The following ANKRD34B variants were observed in gnomAD, a reference collection of about 807,000 sequenced individuals.
The protein encoded by ANKRD34B is ankyrin repeat domain-containing protein 34B.
ANKRD34B carries 2 observed loss-of-function variants against 4.4 expected under a neutral mutation model. The ratio of observed to expected loss-of-function variants is 0.46; its 90% CI spans 0.19 to 1.44. ANKRD34B has a LOEUF of 1.44. ANKRD34B is among the 40% of genes most tolerant of loss of function. ANKRD34B has a pLI of 0.26. For missense variants in ANKRD34B, 558 were observed against 604.7 expected (o/e 0.92, Z 0.81); for synonymous variants, 226 against 227.1 (o/e 0.99, Z 0.05).
Position 80,559,792 on chromosome 5 carries a change from A to T in ANKRD34B, c.228T>A (p.Asp76Glu). Residue 76 changes from aspartate (D) to glutamate (E), a missense_variant, in exon 5 of 5, where the codon GAT becomes GAA. Coordinates refer to ENST00000338682, the MANE Select transcript of ANKRD34B (RefSeq NM_001004441.3). ...TCCCAGATTTGTCCTGTATGTTGGG[A>T]TCGGCATTGTTCTCTAACAGGTATT... ...MVKYLLENNADPNIQDKSGKT... is the reference protein window; with the variant it reads ...MVKYLLENNAEPNIQDKSGKT... 6.2e-7 allele frequency: 1 copy of T among 1,614,192 alleles called. No individual in the cohort carries two copies. The highest frequency in any genetic ancestry group is 8.5e-7 in the Non-Finnish European group (1 of 1,180,024).
chr5:80,563,948 C>T (rs756787812), intron 3 of ANKRD34B, 133 bp from the exon 4 acceptor site: 42 of 152,118 alleles, frequency 2.8e-4, no homozygotes, highest in Non-Finnish European at 5.7e-4. Flanking sequence ...ATAGAAACTA[C>T]TTAGTAATTG....
At position 80,559,043 on chromosome 5, in the gene ANKRD34B, G is replaced by A; in HGVS notation, c.977C>T (p.Ser326Phe). The change falls in exon 5 of 5, where the codon TCT (serine) becomes TTT (phenylalanine). Residue 326 changes from serine (S) to phenylalanine (F), a missense_variant. By Grantham distance (155) the Ser-to-Phe change is radical. Coordinates refer to ENST00000338682, the MANE Select transcript of ANKRD34B (RefSeq NM_001004441.3). Reference sequence around the variant, plus strand: ...TTGCTGATTTCCTTCTGAAAGATAAGATTGACAATTTATTTCATCATATGA... The same window carrying A: ...TTGCTGATTTCCTTCTGAAAGATAAAATTGACAATTTATTTCATCATATGA... ...KMSYDEINCQ[S>F]YLSEGNQQCI... 5 of 1,614,198 alleles carry A rather than the reference G, an allele frequency of 3.1e-6. No individual in the cohort carries two copies. Among genetic ancestry groups the A allele is most frequent in the Non-Finnish European group, 4.2e-6 (5 of 1,180,040 alleles).
chr5:80,569,397 G>A (rs1366521095), intron 1 of ANKRD34B, among the ~76,000 whole-genome samples: 1 of 152,196 alleles, frequency 6.6e-6, no homozygotes, highest in Admixed American at 6.5e-5. Context: ...CTCTGCTAAG[G>A]GGGTCCGGTA....
In ANKRD34B at chr5:80,557,954, C is replaced by T. The variant is rs1300703552; in HGVS notation, c.*521G>A. The T allele has an allele frequency of 6.6e-6, 1 of 152,192 alleles. No individual in the cohort carries two copies. The highest frequency in any genetic ancestry group is 1.5e-5 in the Non-Finnish European group (1 of 68,096). 9.4% of individuals were successfully genotyped at this position (152,192 alleles called of 1,614,324 possible). ...AATTAGAGTTTTATCTATCTTCAGT[C>T]AACATTTGTAAAGAATTAGTTCATT... is the stretch of plus-strand genomic sequence containing the variant. On this transcript the variant is annotated 3_prime_UTR_variant, in exon 5 of 5. Transcript: ENST00000338682.
chr5:80,559,477 A>G lies in ANKRD34B; in HGVS notation c.543T>C (p.Ala181=), dbSNP rs1168798137. The G allele has an allele frequency of 8.7e-6, 14 of 1,614,212 alleles. No individual in the cohort carries two copies. Among genetic ancestry groups the G allele is most frequent in the Non-Finnish European group, 1.1e-5 (13 of 1,180,036 alleles). Reference sequence around the variant, plus strand: ...CTATTTCTGAAGGAGTGGTGCAGGTAGCTGGGGAATGACACCCATCTATAT... The same window carrying G: ...CTATTTCTGAAGGAGTGGTGCAGGTGGCTGGGGAATGACACCCATCTATAT... ...PVDIDGCHSP[A]TCTTPSEIDI... is the part of the protein sequence containing the mutation. Residue 181 remains alanine, a synonymous_variant, in exon 5 of 5, where the codon GCT becomes GCC. Transcript: ENST00000338682.
At chr5:80,568,925 C>CACACAGAGAGAGAGAGAGAG in intron 2 of ANKRD34B, 35 bp downstream of exon 2, 1 of 49,850 alleles carries the variant, frequency 2.0e-5, no homozygotes, top group African/African-American at 6.7e-5. Context: ...CACACACACA[C>CACACAGAGAGAGAGAGAGAG]AGAGAGAGAG....
rs1260571515 is a variant in ANKRD34B at position 80,556,831 on chromosome 5, A to G, written c.*1644T>C. 1 of 152,636 alleles carries G rather than the reference A, an allele frequency of 6.6e-6. No homozygotes were observed. Among genetic ancestry groups the G allele is most frequent in the African/African-American group, 2.4e-5 (1 of 41,462 alleles). The allele number at this position is 152,636 out of a possible 1,614,324, so 9.5% of individuals were successfully genotyped here. On this transcript the variant is annotated 3_prime_UTR_variant, in exon 5 of 5. Coordinates refer to ENST00000338682, the MANE Select transcript of ANKRD34B (RefSeq NM_001004441.3). ...ACATACCCTTCCAAATTGTATCCTT[A>G]CAACTTGAAGTCAAGTACTTTTCTC...
At chr5:80,567,375 T>C (rs1467557875) in intron 2 of ANKRD34B, among the ~76,000 whole-genome samples, 1 of 151,264 alleles carries the variant, frequency 6.6e-6, no homozygotes, top group Non-Finnish European at 1.5e-5. Context: ...ATCCCAGCAC[T>C]TTGGGAGGCC....
At position 80,559,100 on chromosome 5, in the gene ANKRD34B, C is replaced by T. The variant is rs774136944; in HGVS notation, c.920G>A (p.Arg307Lys). 6.8e-6 allele frequency: 11 copies of T among 1,614,086 alleles called. No homozygotes were observed. The highest frequency in any genetic ancestry group is 3.3e-4 in the Middle Eastern group (2 of 6,084). Residue 307 changes from arginine to lysine, a missense_variant, in exon 5 of 5, where the codon AGA becomes AAA. Physicochemically the swap from Arg to Lys is conservative, Grantham distance 26 (BLOSUM62 2). Transcript: ENST00000338682. ...CCTTGAGCTGGCCTGATCAAAGGCT[C>T]TTAGCAAATGTGCAGTGTCTTTTAC... is the stretch of plus-strand genomic sequence containing the variant. Reference protein sequence around the residue: ...IDVKDTAHLLRAFDQASSRKM... With the variant: ...IDVKDTAHLLKAFDQASSRKM...
chr5:80,559,932 G>A lies in ANKRD34B; in HGVS notation c.88C>T (p.Leu30=), dbSNP rs1746371069. ...QSRLRLTRLL[L]EGGAYINESN... is the part of the protein sequence containing the mutation. ...TCATTAATGTAGGCACCGCCTTCTA[G>A]CAAAAGTCTTGTGAGGCGAAGCCGG... Residue 30 remains leucine (L), a synonymous_variant, in exon 5 of 5, where the codon CTA becomes TTA. Transcript: ENST00000338682. The A allele has an allele frequency of 8.1e-6, 13 of 1,614,022 alleles. No homozygotes were observed. Among genetic ancestry groups the A allele is most frequent in the East Asian group, 2.2e-5 (1 of 44,898 alleles).
At chr5:80,565,322 T>G (rs541523528) in intron 3 of ANKRD34B, among the ~76,000 whole-genome samples, 2 of 152,370 alleles carry the variant, frequency 1.3e-5, no homozygotes, top group Non-Finnish European at 1.5e-5. Context: ...CTTTCCTCCT[T>G]GGAGCATCCT....
At chr5:80,565,851 C>T (rs1746549162) in intron 3 of ANKRD34B, among the ~76,000 whole-genome samples, 1 of 152,144 alleles carries the variant, frequency 6.6e-6, no homozygotes, top group East Asian at 1.9e-4. Flanking sequence ...ATGGAAAGAG[C>T]ATATCCTTTA....
intron 2 of ANKRD34B, among the ~76,000 whole-genome samples, 168 bp from the exon 3 acceptor site, chr5:80,566,942 T>C (rs1462322345): frequency 6.6e-6 from 1 of 152,210 alleles, no homozygotes; most frequent in Non-Finnish European, 1.5e-5. Context: ...CTGGAGATTC[T>C]ATGCACAGCA....
In ANKRD34B at chr5:80,559,954, C is replaced by A; in HGVS notation, c.66G>T (p.Arg22=). The part of the protein sequence containing the change: ...NSLIKAVHQS[R]LRLTRLLLEG... ...CTAGCAAAAGTCTTGTGAGGCGAAG[C>A]CGGCTCTGATGGACTGCTTTGATCA... Residue 22 remains arginine (R), a synonymous_variant, in exon 5 of 5, where the codon CGG becomes CGT. Transcript: ENST00000338682. 1 of 1,613,724 alleles carries A rather than the reference C, an allele frequency of 6.2e-7. No homozygotes were observed. The highest frequency in any genetic ancestry group is 8.5e-7 in the Non-Finnish European group (1 of 1,179,848).
In ANKRD34B at chr5:80,559,731, C is replaced by G. The variant is rs1254526743; in HGVS notation, c.289G>C (p.Gly97Arg). 4 of 1,614,198 alleles carry G rather than the reference C, an allele frequency of 2.5e-6. No homozygotes were observed. The South Asian group carries it at 4.4e-5, about 18-fold the overall frequency. ...AGGAGCAAGGAAACAACTTCAGGGC[C>G]AGCTTTTTCTAAGCAAGCATGCATC... ...ALMHACLEKA[G>R]PEVVSLLLKS... Residue 97 changes from glycine (G) to arginine (R), a missense_variant, in exon 5 of 5, where the codon GGC becomes CGC. Transcript: ENST00000338682.
intron 3 of ANKRD34B, among the ~76,000 whole-genome samples, chr5:80,565,573 A>G (rs1306951239): frequency 6.6e-6 from 1 of 152,234 alleles, no homozygotes; most frequent in Non-Finnish European, 1.5e-5. Flanking sequence ...CAATCATAGA[A>G]CGTGCATTCC....
In ANKRD34B at chr5:80,558,962, G is replaced by T. The variant is rs1279833441; in HGVS notation, c.1058C>A (p.Ser353Tyr). Residue 353 changes from serine to tyrosine, a missense_variant, in exon 5 of 5, where the codon TCC becomes TAC. By Grantham distance (144) the Ser-to-Tyr change is moderately radical. Transcript: ENST00000338682. ...DPDSNQTIFA[S>Y]TLRSIVQKRN... ...TTTTTGAACTATACTTCTTAAGGTGGAAGCAAATATTGTCTGGTTAGAATC... is the reference window on the plus strand; with the variant it reads ...TTTTTGAACTATACTTCTTAAGGTGTAAGCAAATATTGTCTGGTTAGAATC... The T allele has an allele frequency of 1.3e-5, 21 of 1,614,048 alleles. No homozygotes were observed. The East Asian group carries it at 4.5e-4, about 34-fold the overall frequency.
chr5:80,559,767 T>C lies in ANKRD34B; in HGVS notation c.253A>G (p.Lys85Glu). 2 of 1,614,218 alleles carry C rather than the reference T, an allele frequency of 1.2e-6. No individual in the cohort carries two copies. The highest frequency in any genetic ancestry group is 1.7e-6 in the Non-Finnish European group (2 of 1,180,050). Residue 85 changes from lysine (K) to glutamate (E), a missense_variant, in exon 5 of 5, where the codon AAA (lysine) becomes GAA (glutamate). Coordinates refer to ENST00000338682, the MANE Select transcript of ANKRD34B (RefSeq NM_001004441.3). ...ADPNIQDKSG[K>E]TALMHACLEK... The stretch of plus-strand genomic sequence containing the variant: ...AAGCAAGCATGCATCAGAGCCGTTT[T>C]CCCAGATTTGTCCTGTATGTTGGGA...
At position 80,557,280 on chromosome 5, in the gene ANKRD34B, T is replaced by C. The variant is rs1274280409; in HGVS notation, c.*1195A>G. 2 of 151,996 alleles carry C rather than the reference T, an allele frequency of 1.3e-5. No individual in the cohort carries two copies. The highest frequency in any genetic ancestry group is 2.9e-5 in the Non-Finnish European group (2 of 67,966). The allele number at this position is 151,996 out of a possible 1,614,324, so 9.4% of individuals were successfully genotyped here. On this transcript the variant is annotated 3_prime_UTR_variant, in exon 5 of 5. Transcript: ENST00000338682. ...ACTTTATAATATTTTATAATACTAATATGGTATTCATTAATTTTGTTGGAA... is the reference window on the plus strand; with the variant it reads ...ACTTTATAATATTTTATAATACTAACATGGTATTCATTAATTTTGTTGGAA...
Sources: gnomAD v4.1 joint callset for allele counts (sites outside exome capture counted in the v4.1 genomes callset) on GRCh38, gnomAD v4.1.1 for gene constraint, MANE v1.5 for transcripts, NCBI Gene and HGNC (gene_info 2026-07-23, HGNC 2026-07-21) for gene names.